The following THSD7A variants were observed in gnomAD, a reference collection of about 807,000 sequenced individuals.
The protein encoded by THSD7A is thrombospondin type-1 domain-containing protein 7A.
THSD7A carries 96 observed loss-of-function variants against 231.3 expected under a neutral mutation model. That is an observed-to-expected ratio of 0.41 (90% CI 0.35 to 0.49). THSD7A has a LOEUF of 0.49. Ranked by LOEUF, THSD7A falls within the 20% of genes least tolerant of loss-of-function variation. The pLI is 0.05. For synonymous variants in THSD7A, 940 were observed against 743.3 expected, an observed-to-expected ratio of 1.26 and a Z score of -4.30; for missense variants, 2,290 against 2,070.2, an observed-to-expected ratio of 1.11 and a Z score of -2.06.
At position 11,733,734 on chromosome 7, in the gene THSD7A, C is replaced by T. The variant is rs537261766; in HGVS notation, c.191-96773G>A. 4.6e-4 allele frequency among the ~76,000 whole-genome samples: 70 copies of T among 151,914 alleles called. No individual in the cohort carries two copies. The South Asian group carries it at 0.013, about 29-fold the overall frequency. On this transcript the variant is annotated intron_variant, in intron 1 of 27. Transcript: ENST00000423059. ...AATAAGAACAATTAAGAATAGATAG[C>T]TCCATAGAAGGCCGAAATTAAGGTC...
At chr7:11,670,769 A>G (rs981750605) in intron 1 of THSD7A, among the ~76,000 whole-genome samples, 6 of 152,090 alleles carry the variant, frequency 3.9e-5, no homozygotes, top group Non-Finnish European at 8.8e-5. Context: ...CTTTCACCCC[A>G]TTTTTTTGAG....
Position 11,593,262 on chromosome 7 carries a change from G to A in THSD7A, c.1263C>T (p.Pro421=). 1 of 1,613,856 alleles carries A rather than the reference G, an allele frequency of 6.2e-7. No individual in the cohort carries two copies. The highest frequency in any genetic ancestry group is 8.5e-7 in the Non-Finnish European group (1 of 1,179,860). Residue 421 remains proline, a synonymous_variant, in exon 3 of 28, where the codon CCC becomes CCT. Coordinates refer to ENST00000423059, the MANE Select transcript of THSD7A (RefSeq NM_015204.3). ...PCLSQGDGVV[P]CATYGWRTTE... ...CTTCTTTATTTACTCACGTGGCACA[G>A]GGGACAACTCCATCTCCTTGAGACA...
At chr7:11,434,573 T>G (rs1380021363) in intron 13 of THSD7A, among the ~76,000 whole-genome samples, 1 of 152,122 alleles carries the variant, frequency 6.6e-6, no homozygotes, top group Non-Finnish European at 1.5e-5. Context: ...AAATACTGGT[T>G]GCTTCTGATT....
chr7:11,531,275 C>T (rs376628688), intron 6 of THSD7A, among the ~76,000 whole-genome samples: 1 of 152,110 alleles, frequency 6.6e-6, no homozygotes, highest in Non-Finnish European at 1.5e-5. Context: ...GCTATAGTCT[C>T]CTCACTGCTG....
chr7:11,496,405 T>C (rs1325264627), intron 6 of THSD7A, among the ~76,000 whole-genome samples: 1 of 152,108 alleles, frequency 6.6e-6, no homozygotes, highest in East Asian at 1.9e-4. Flanking sequence ...GGTGATCCAG[T>C]TTAAGGATTA....
chr7:11,655,174 T>C (rs1224212466), intron 1 of THSD7A, among the ~76,000 whole-genome samples: 2 of 152,020 alleles, frequency 1.3e-5, no homozygotes, highest in East Asian at 3.9e-4. Flanking sequence ...TCTTAAACTG[T>C]TTTTGTAAAT....
At chr7:11,507,840 G>A (rs566574787) in intron 6 of THSD7A, among the ~76,000 whole-genome samples, 20 of 152,274 alleles carry the variant, frequency 1.3e-4, no homozygotes, top group South Asian at 2.1e-4. Flanking sequence ...AGCTTAACAT[G>A]TAAAATATAA....
At chr7:11,805,576 A>G (rs186884630) in intron 1 of THSD7A, among the ~76,000 whole-genome samples, 2 of 152,220 alleles carry the variant, frequency 1.3e-5, no homozygotes, top group Admixed American at 6.5e-5. Flanking sequence ...AAAAGAATAT[A>G]ATTTCCTTAT....
At chr7:11,506,325 T>C (rs1003838674) in intron 6 of THSD7A, among the ~76,000 whole-genome samples, 3 of 152,160 alleles carry the variant, frequency 2.0e-5, no homozygotes, top group African/African-American at 7.2e-5. Flanking sequence ...GTTAATTACA[T>C]ATTTTCTTCA....
chr7:11,539,562 C>T (rs111235336), intron 6 of THSD7A, among the ~76,000 whole-genome samples: 10 of 152,220 alleles, frequency 6.6e-5, no homozygotes, highest in Non-Finnish European at 1.3e-4. Context: ...TACAACTACA[C>T]ACATCTAAGT....
At chr7:11,426,736 T>C (rs1476666782) in intron 14 of THSD7A, 65 bp from the exon 15 acceptor site, 2 of 1,482,720 alleles carry the variant, frequency 1.3e-6, no homozygotes, top group Non-Finnish European at 9.0e-7. Context: ...AATGTCAGTA[T>C]GCTATGAGAA....
Position 11,637,948 on chromosome 7 carries a change from G to T in THSD7A, c.191-987C>A, listed in dbSNP as rs2681042. ...ATAAAGAAACTTAAAGTTCATGTAA[G>T]TACATGATTTTCAAAAAGTATTCCA... is the stretch of plus-strand genomic sequence containing the variant. On this transcript the variant is annotated intron_variant, in intron 1 of 27. Coordinates refer to ENST00000423059, the MANE Select transcript of THSD7A (RefSeq NM_015204.3). This position sits in a 1 kb window ranked among gnomAD's most constrained non-coding sequence, Gnocchi z 4.2. 0.15 allele frequency among the ~76,000 whole-genome samples: 22,594 copies of T among 152,002 alleles called. 1,783 individuals carry two copies. Among genetic ancestry groups the T allele is most frequent in the Admixed American group, 0.21 (3,145 of 15,278 alleles).
At chr7:11,607,841 G>T (rs1416541345) in intron 2 of THSD7A, among the ~76,000 whole-genome samples, 1 of 152,028 alleles carries the variant, frequency 6.6e-6, no homozygotes, top group Non-Finnish European at 1.5e-5. Context: ...GAGCTGCTGG[G>T]GAACATTGCC....
Position 11,831,012 on chromosome 7 carries a change from ACTCCGTATTGTTTTCCTGCCTGTCACGGC to A in THSD7A, c.190+716_190+744del, listed in dbSNP as rs1165976173. Among the ~76,000 whole-genome samples, 1 of 151,992 alleles carries A rather than the reference ACTCCGTATTGTTTTCCTGCCTGTCACGGC, an allele frequency of 6.6e-6. No individual in the cohort carries two copies. The highest frequency in any genetic ancestry group is 1.5e-5 in the Non-Finnish European group (1 of 68,016). On this transcript the variant is annotated intron_variant, in intron 1 of 27. Transcript: ENST00000423059. The surrounding 1 kb of genome is among the most constrained non-coding windows in gnomAD (Gnocchi z 5.0). Reference sequence around the variant, plus strand: ...GCAGAAAAGGGGTTGGTAATTCCTCACTCCGTATTGTTTTCCTGCCTGTCACGGCCCCCGCCAGAAACTCCAAGCATTTT... The same window carrying A: ...GCAGAAAAGGGGTTGGTAATTCCTCACCCCGCCAGAAACTCCAAGCATTTT...
At chr7:11,739,356 A>G (rs1022905059) in intron 1 of THSD7A, among the ~76,000 whole-genome samples, 1 of 152,020 alleles carries the variant, frequency 6.6e-6, no homozygotes, top group African/African-American at 2.4e-5. Context: ...GCATGGAATA[A>G]CACTTATAAG....
chr7:11,438,663 A>G (rs1583742112), intron 13 of THSD7A, among the ~76,000 whole-genome samples: 1 of 152,054 alleles, frequency 6.6e-6, no homozygotes, highest in African/African-American at 2.4e-5. Flanking sequence ...TGTTACTACA[A>G]TTGGAAGACA....
At chr7:11,521,383 G>A (rs574044438) in intron 6 of THSD7A, among the ~76,000 whole-genome samples, 10 of 151,824 alleles carry the variant, frequency 6.6e-5, no homozygotes, top group African/African-American at 2.4e-4. Flanking sequence ...TTGCTAATTG[G>A]CCACTGTGAT....
intron 11 of THSD7A, among the ~76,000 whole-genome samples, chr7:11,456,939 A>G (rs1042466938): frequency 6.6e-6 from 1 of 152,092 alleles, no homozygotes. Flanking sequence ...TAGTTACATG[A>G]TATTATTCAA....
rs577667082 is a variant in THSD7A, at chr7:11,403,218, G to GTGAC, written c.4238-1254_4238-1251dup. On this transcript the variant is annotated intron_variant, in intron 22 of 27. Coordinates refer to ENST00000423059, the MANE Select transcript of THSD7A (RefSeq NM_015204.3). ...CATATTGCCTTATATTATGCTGAAG[G>GTGAC]TGACTGGTATTAGCAGAAAGTTGCC... Among the ~76,000 whole-genome samples the GTGAC allele has an allele frequency of 1.3e-3, 193 of 152,260 alleles. 1 individual carries two copies. The highest frequency in any genetic ancestry group is 0.01 in the Middle Eastern group (3 of 294).
Sources: gnomAD v4.1 joint callset for allele counts (sites outside exome capture counted in the v4.1 genomes callset) on GRCh38, gnomAD v4.1.1 for gene constraint, Gnocchi (gnomAD v3.1) non-coding constraint, MANE v1.5 for transcripts, NCBI Gene and HGNC (gene_info 2026-07-23, HGNC 2026-07-21) for gene names.